Variants in UPRT observed in about 807,000 individuals in gnomAD.
UPRT encodes the protein uracil phosphoribosyltransferase homolog.
Under a neutral mutation model 22.6 loss-of-function variants are expected in UPRT, and 5 were observed. The observed-to-expected ratio is 0.22, with a 90% CI of 0.12 to 0.47. The LOEUF is 0.47. Ranked by LOEUF, UPRT falls within the 20% of genes least tolerant of loss-of-function variation. The probability of loss-of-function intolerance (pLI) is 0.99; values close to 1 mark genes in which losing one functional copy is unlikely to be tolerated. For missense variants in UPRT, 181 were observed against 239.9 expected (o/e 0.75, Z 1.62); for synonymous variants, 77 against 87.7 (o/e 0.88, Z 0.68).
At chrX:75,298,800 T>G (rs2082734914) in intron 4 of UPRT, among the ~76,000 whole-genome samples, 1 of 111,866 alleles carries the variant, frequency 8.9e-6, no homozygotes, top group Admixed American at 9.5e-5. Flanking sequence ...AGGTGCAGTT[T>G]CTTCTGTTTC....
chrX:75,191,389 TA>T (rs1362252763), intron 4 of UPRT, among the ~76,000 whole-genome samples: 9 of 111,866 alleles, frequency 8.0e-5, no homozygotes, highest in African/African-American at 2.9e-4. Context: ...CTGCCCCTAT[TA>T]GGGGGTGCTT....
At chrX:75,252,156 G>A (rs1400341192) in intron 4 of UPRT, among the ~76,000 whole-genome samples, 1 of 111,922 alleles carries the variant, frequency 8.9e-6, no homozygotes, top group African/African-American at 3.3e-5. Context: ...GCATGTGTAA[G>A]GACTTCATGT....
At chrX:75,221,814 C>T (rs2082411241) in intron 4 of UPRT, among the ~76,000 whole-genome samples, 2 of 111,697 alleles carry the variant, frequency 1.8e-5, no homozygotes, top group Non-Finnish European at 3.8e-5. Context: ...GGGATTGATG[C>T]CTGTTACCTA....
At chrX:75,258,167 C>T (rs1176018119) in intron 4 of UPRT, among the ~76,000 whole-genome samples, 4 of 103,413 alleles carry the variant, frequency 3.9e-5, no homozygotes, top group East Asian at 3.2e-4. Context: ...GTAGCCATTT[C>T]GGCAGACACC....
At chrX:75,177,310 C>T (rs1006173550) in intron 4 of UPRT, among the ~76,000 whole-genome samples, 3 of 111,506 alleles carry the variant, frequency 2.7e-5, no homozygotes, top group Admixed American at 9.4e-5. Flanking sequence ...CACTTACCGA[C>T]GCAGCAGCAG....
At chrX:75,168,441 A>T (rs1435966203) in intron 4 of UPRT, among the ~76,000 whole-genome samples, 1 of 111,586 alleles carries the variant, frequency 9.0e-6, no homozygotes, top group Non-Finnish European at 1.9e-5. Flanking sequence ...GGGGTTATTT[A>T]AAAATTTTGT....
rs149710348 is a variant in UPRT at position 75,177,477 on chromosome X, C to T, written c.-447+9598C>T. Reference sequence around the variant, plus strand: ...AATCGGATTTAGTGGCCCTTACCGACGCATTCTCAAAAACCTGTTAGAGTC... The same window carrying T: ...AATCGGATTTAGTGGCCCTTACCGATGCATTCTCAAAAACCTGTTAGAGTC... On this transcript the variant is annotated intron_variant, in intron 4 of 13. Coordinates refer to the UPRT transcript ENST00000652605. Among the ~76,000 whole-genome samples the T allele has an allele frequency of 3.0e-3, 333 of 110,378 alleles. 1 individual carries two copies. Among genetic ancestry groups the T allele is most frequent in the African/African-American group, 9.9e-3 (301 of 30,315 alleles).
chrX:75,189,464 T>C (rs2082307227), intron 4 of UPRT, among the ~76,000 whole-genome samples: 1 of 112,118 alleles, frequency 8.9e-6, no homozygotes, highest in Admixed American at 9.5e-5. Flanking sequence ...TTCTGTTGAT[T>C]TGGGGTGGAG....
At chrX:75,251,997 C>G (rs1199926480) in intron 4 of UPRT, among the ~76,000 whole-genome samples, 1 of 112,174 alleles carries the variant, frequency 8.9e-6, no homozygotes, top group Admixed American at 9.4e-5. Context: ...GCTGGGAAAA[C>G]TGGCTATCCA....
chrX:75,256,756 C>T (rs2082551046), intron 4 of UPRT, among the ~76,000 whole-genome samples: 2 of 111,495 alleles, frequency 1.8e-5, no homozygotes, highest in South Asian at 7.4e-4. Flanking sequence ...TTTGCAAAAA[C>T]TAGAAAACCT....
intron 4 of UPRT, among the ~76,000 whole-genome samples, chrX:75,203,481 GACACACACACAC>G (rs56145702): frequency 5.5e-5 from 5 of 91,267 alleles, no homozygotes; most frequent in African/African-American, 2.0e-4. Context: ...AAGGGTTAAA[GACACACACACAC>G]ACACACACAC....
chrX:75,297,269 C>G (rs1256005760), intron 3 of UPRT, among the ~76,000 whole-genome samples: 1 of 111,737 alleles, frequency 8.9e-6, no homozygotes, highest in Non-Finnish European at 1.9e-5. Flanking sequence ...TCAATGAAGT[C>G]TGCCTCTCCC....
intron 4 of UPRT, among the ~76,000 whole-genome samples, chrX:75,266,888 A>T (rs776055252): frequency 2.7e-5 from 3 of 111,877 alleles, no homozygotes; most frequent in Non-Finnish European, 5.6e-5. Context: ...CCACAGTGAG[A>T]TACCATCTCA....
intron 4 of UPRT, among the ~76,000 whole-genome samples, chrX:75,178,007 G>A (rs1461653078): frequency 6.2e-5 from 7 of 112,356 alleles, no homozygotes; most frequent in East Asian, 2.8e-4. Context: ...GGCGAGTCTC[G>A]CTTGGGCGAC....
intron 4 of UPRT, among the ~76,000 whole-genome samples, chrX:75,176,106 A>G (rs1272367231): frequency 9.0e-6 from 1 of 111,233 alleles, no homozygotes; most frequent in Non-Finnish European, 1.9e-5. Context: ...GAAGGATTTT[A>G]TTCCTTTCCC....
chrX:75,278,478 C>T (rs776586261), intron 1 of UPRT, among the ~76,000 whole-genome samples: 7 of 111,340 alleles, frequency 6.3e-5, no homozygotes, highest in Non-Finnish European at 1.3e-4. Context: ...TCATTTATGT[C>T]GTTTTGTTGT....
intron 1 of UPRT, chrX:75,156,586 T>C (rs1240216894): frequency 7.3e-6 from 3 of 408,296 alleles, no homozygotes; most frequent in African/African-American, 2.5e-5. Context: ...ACGAATCATC[T>C]CTTCGTGCGT....
At chrX:75,181,885 G>A (rs1251919330) in intron 4 of UPRT, among the ~76,000 whole-genome samples, 2 of 111,469 alleles carry the variant, frequency 1.8e-5, no homozygotes, top group Admixed American at 1.9e-4. Context: ...GTACTATGTT[G>A]AATAGGAGTG....
At chrX:75,187,193 C>G (rs1314127621) in intron 4 of UPRT, among the ~76,000 whole-genome samples, 2 of 111,543 alleles carry the variant, frequency 1.8e-5, no homozygotes, top group Non-Finnish European at 3.8e-5. Flanking sequence ...GTGCTTCCTT[C>G]AGGAGCTCTT....
Sources: allele counts gnomAD v4.1 joint callset (sites outside exome capture counted in the v4.1 genomes callset), GRCh38; gene constraint gnomAD v4.1.1; transcripts MANE v1.5; gene names NCBI Gene and HGNC (gene_info 2026-07-23, HGNC 2026-07-21).